ACTR3C: variants seen among roughly 807,000 people sequenced by gnomAD.
The protein encoded by ACTR3C is actin-related protein 3C.
In ACTR3C, 18 loss-of-function variants were observed where a neutral mutation model predicts 26.3. That is an observed-to-expected ratio of 0.68 (90% CI 0.47 to 1.01). ACTR3C has a LOEUF of 1.01. ACTR3C is among the 50% of genes least tolerant of loss of function. ACTR3C has a pLI of 0.00. For missense variants in ACTR3C, 184 were observed against 250.7 expected (o/e 0.73, Z 1.80); for synonymous variants, 55 against 94.5 (o/e 0.58, Z 2.42).
the ACTR3C span, among the ~76,000 whole-genome samples, chr7:150,088,623 T>C: frequency 6.6e-6 from 1 of 152,234 alleles, no homozygotes; most frequent in Non-Finnish European, 1.5e-5. Flanking sequence ...CTTTTTGTTA[T>C]AATTAAAAAA....
At chr7:150,027,292 A>T in the ACTR3C span, among the ~76,000 whole-genome samples, 1 of 151,892 alleles carries the variant, frequency 6.6e-6, no homozygotes, top group Admixed American at 6.6e-5. Flanking sequence ...TTGTTTTGAG[A>T]CGGAGTCTCG....
At chr7:150,226,909 T>C in the ACTR3C span, among the ~76,000 whole-genome samples, 258 of 152,278 alleles carry the variant, frequency 1.7e-3, no homozygotes, top group African/African-American at 6.0e-3. Flanking sequence ...GTTTATTAAA[T>C]ATATATTTTG....
the ACTR3C span, among the ~76,000 whole-genome samples, chr7:149,926,123 C>T: frequency 1.3e-5 from 2 of 151,648 alleles, no homozygotes; most frequent in Non-Finnish European, 2.9e-5. Flanking sequence ...ATGAAAAAAA[C>T]CTTTCTTATG....
the ACTR3C span, among the ~76,000 whole-genome samples, chr7:149,926,449 T>C: frequency 6.6e-6 from 1 of 152,218 alleles, no homozygotes; most frequent in Non-Finnish European, 1.5e-5. Flanking sequence ...GCCAATGCCT[T>C]GCTTTCCTTC....
the ACTR3C span, among the ~76,000 whole-genome samples, chr7:150,085,095 G>A: frequency 6.6e-6 from 1 of 152,198 alleles, no homozygotes; most frequent in South Asian, 2.1e-4. Context: ...AACACTGGTG[G>A]AGGAGCAATG....
At chr7:150,212,857 T>TG in the ACTR3C span, among the ~76,000 whole-genome samples, 8 of 151,560 alleles carry the variant, frequency 5.3e-5, no homozygotes. Context: ...AATCAGGCAG[T>TG]GGGGGTTTGA....
the ACTR3C span, among the ~76,000 whole-genome samples, chr7:150,177,117 A>G: frequency 1.8e-5 from 2 of 110,156 alleles, 1 homozygote; most frequent in African/African-American, 1.2e-4. Flanking sequence ...GTAAACGTAT[A>G]GTCATAGTTT....
the ACTR3C span, among the ~76,000 whole-genome samples, chr7:149,936,020 A>C: frequency 0.012 from 1,807 of 152,174 alleles, 38 homozygotes; most frequent in African/African-American, 0.041. Flanking sequence ...GCGGTTTTGC[A>C]TGTTTCTGGC....
chr7:150,146,348 C>T, the ACTR3C span, among the ~76,000 whole-genome samples: 1 of 152,192 alleles, frequency 6.6e-6, no homozygotes. Context: ...CTTATTTCCC[C>T]AGTTCAAACA....
chr7:149,907,671 T>C, the ACTR3C span, among the ~76,000 whole-genome samples: 1 of 151,710 alleles, frequency 6.6e-6, no homozygotes, highest in African/African-American at 2.4e-5. Context: ...AATAACTGTC[T>C]TCGCTTCCCG....
the ACTR3C span, among the ~76,000 whole-genome samples, chr7:149,906,368 T>C: frequency 6.6e-6 from 1 of 151,452 alleles, no homozygotes; most frequent in East Asian, 1.9e-4. Flanking sequence ...ACGTGTTCAT[T>C]CTTGGTGGTG....
intron 1 of ACTR3C, among the ~76,000 whole-genome samples, chr7:150,309,951 C>A (rs908359081): frequency 2.0e-5 from 3 of 152,160 alleles, no homozygotes; most frequent in Admixed American, 2.0e-4. Context: ...CTCCACATTA[C>A]CTTCTTTTCA....
the ACTR3C span, among the ~76,000 whole-genome samples, chr7:149,992,882 A>G: frequency 6.6e-6 from 1 of 152,318 alleles, no homozygotes; most frequent in African/African-American, 2.4e-5. Context: ...AAAAGCCTCA[A>G]AACCAGGGAA....
the ACTR3C span, among the ~76,000 whole-genome samples, chr7:149,997,807 G>GT: frequency 6.7e-6 from 1 of 150,010 alleles, no homozygotes; most frequent in African/African-American, 2.4e-5. Context: ...TGATGTGATT[G>GT]TTTGCAAAAC....
chr7:149,890,141 A>G, the ACTR3C span, among the ~76,000 whole-genome samples: 1 of 152,246 alleles, frequency 6.6e-6, no homozygotes, highest in Non-Finnish European at 1.5e-5. Flanking sequence ...TCCTAACATC[A>G]GAAAGAATTT....
At chr7:150,197,845 T>TCCCTCTCCCCTCTC in the ACTR3C span, among the ~76,000 whole-genome samples, 66 of 148,650 alleles carry the variant, frequency 4.4e-4, no homozygotes, top group African/African-American at 1.6e-3. Flanking sequence ...TTTAACATAG[T>TCCCTCTCCCCTCTC]CCCTCTCCCC....
the ACTR3C span, among the ~76,000 whole-genome samples, chr7:149,909,192 C>T: frequency 2.0e-5 from 3 of 151,292 alleles, no homozygotes; most frequent in Admixed American, 1.3e-4. Context: ...TTATTCTCTA[C>T]CGATTAAAAC....
the ACTR3C span, among the ~76,000 whole-genome samples, chr7:150,231,424 A>G: frequency 6.7e-6 from 1 of 150,310 alleles, no homozygotes; most frequent in African/African-American, 2.5e-5. Flanking sequence ...ATAGAGCCTG[A>G]CCCCTCCCTC....
the ACTR3C span, among the ~76,000 whole-genome samples, chr7:150,034,114 G>GA: frequency 6.6e-6 from 1 of 151,524 alleles, no homozygotes; most frequent in Non-Finnish European, 1.5e-5. Context: ...AACAACCGGG[G>GA]GGAAGAGGGG....
Sources: allele counts gnomAD v4.1 joint callset (sites outside exome capture counted in the v4.1 genomes callset), GRCh38; gene constraint gnomAD v4.1.1; transcripts MANE v1.5; gene names NCBI Gene and HGNC (gene_info 2026-07-23, HGNC 2026-07-21).